ATRNL1: variants seen among roughly 807,000 people sequenced by gnomAD.
ATRNL1 encodes the protein attractin like 1, also known as attractin-like protein 1.
ATRNL1 carries 95 observed loss-of-function variants against 182.7 expected under a neutral mutation model. That is an observed-to-expected ratio of 0.52 (90% CI 0.44 to 0.62). The LOEUF is 0.62. ATRNL1 is among the 20% of genes least tolerant of loss of function. The pLI, the probability that ATRNL1 is intolerant of heterozygous loss-of-function variation, is 0.00. For synonymous variants in ATRNL1, 576 were observed against 568.3 expected, an observed-to-expected ratio of 1.01 and a Z score of -0.19; for missense variants, 1,471 against 1,679.5, an observed-to-expected ratio of 0.88 and a Z score of 2.17.
intron 21 of ATRNL1, among the ~76,000 whole-genome samples, chr10:115,459,435 C>A (rs1224169489): frequency 6.6e-6 from 1 of 152,084 alleles, no homozygotes; most frequent in African/African-American, 2.4e-5. Flanking sequence ...AGGGGTAGGT[C>A]TCTGAACTGG....
At chr10:115,164,089 G>A in intron 6 of ATRNL1, among the ~76,000 whole-genome samples, 1 of 152,098 alleles carries the variant, frequency 6.6e-6, no homozygotes, top group Non-Finnish European at 1.5e-5. Context: ...CTGTTTCTTG[G>A]CTGGATGCTT....
At chr10:115,816,580 C>T (rs563146359) in intron 27 of ATRNL1, among the ~76,000 whole-genome samples, 7 of 150,272 alleles carry the variant, frequency 4.7e-5, no homozygotes, top group Non-Finnish European at 7.4e-5. Context: ...GAAGAGTGAG[C>T]GACCTGTTTA....
chr10:115,155,160 A>G (rs368549552), intron 5 of ATRNL1, among the ~76,000 whole-genome samples: 2 of 151,018 alleles, frequency 1.3e-5, no homozygotes, highest in African/African-American at 4.9e-5. Flanking sequence ...TTTTTTTTCT[A>G]TCCCTTTATT....
rs141976102 is a variant in ATRNL1 at position 115,112,624 on chromosome 10, T to C, written c.294-7561T>C. Among the ~76,000 whole-genome samples, 665 of 152,294 alleles carry C rather than the reference T, an allele frequency of 4.4e-3. 2 individuals are homozygous for C. The highest frequency in any genetic ancestry group is 0.015 in the African/African-American group (640 of 41,566). ...GCTTGGGTGGAAGAAGGTGAAATTATTGATGCTTTATGAAAAGTTTAGGAG... is the reference window on the plus strand; with the variant it reads ...GCTTGGGTGGAAGAAGGTGAAATTACTGATGCTTTATGAAAAGTTTAGGAG... On this transcript the variant is annotated intron_variant, in intron 1 of 28. Coordinates refer to ENST00000355044, the MANE Select transcript of ATRNL1 (RefSeq NM_207303.4).
intron 17 of ATRNL1, among the ~76,000 whole-genome samples, chr10:115,313,685 C>A (rs1472538802): frequency 6.6e-6 from 1 of 151,762 alleles, no homozygotes; most frequent in East Asian, 1.9e-4. Flanking sequence ...ATGATCCTTT[C>A]TTAAGAAAAG....
chr10:115,475,307 T>C (rs932428702), intron 24 of ATRNL1, among the ~76,000 whole-genome samples: 5 of 151,564 alleles, frequency 3.3e-5, no homozygotes, highest in Admixed American at 1.3e-4. Context: ...CATGAAATGC[T>C]GCTATCATTT....
At chr10:115,487,560 G>GT (rs1169164115) in intron 24 of ATRNL1, among the ~76,000 whole-genome samples, 1 of 152,136 alleles carries the variant, frequency 6.6e-6, no homozygotes, top group Non-Finnish European at 1.5e-5. Flanking sequence ...GAATGCTTAT[G>GT]TTTTTTGCAC....
chr10:115,276,905 A>C (rs1554914990), intron 13 of ATRNL1, among the ~76,000 whole-genome samples: 1 of 152,070 alleles, frequency 6.6e-6, no homozygotes, highest in Non-Finnish European at 1.5e-5. Context: ...TATTTTTCTT[A>C]ATGAAGAGCA....
intron 27 of ATRNL1, among the ~76,000 whole-genome samples, chr10:115,825,681 G>A (rs1365449171): frequency 6.6e-6 from 1 of 152,104 alleles, no homozygotes; most frequent in Non-Finnish European, 1.5e-5. Context: ...TTTTAACCAT[G>A]TCAAGCTGCA....
intron 26 of ATRNL1, among the ~76,000 whole-genome samples, chr10:115,636,660 C>T (rs1555028264): frequency 6.6e-6 from 1 of 152,108 alleles, no homozygotes; most frequent in African/African-American, 2.4e-5. Context: ...GGCTATACCT[C>T]AAGGTATTAA....
intron 5 of ATRNL1, among the ~76,000 whole-genome samples, chr10:115,143,509 C>T (rs1351612200): frequency 2.0e-5 from 3 of 151,914 alleles, no homozygotes; most frequent in Non-Finnish European, 4.4e-5. Context: ...GCTGCTATAA[C>T]AAAATACCAC....
At chr10:115,367,383 C>G (rs1169430298) in intron 19 of ATRNL1, among the ~76,000 whole-genome samples, 17 of 138,106 alleles carry the variant, frequency 1.2e-4, no homozygotes, top group African/African-American at 4.4e-4. Context: ...CTCCTTTAAG[C>G]ACTTCTCCGT....
At chr10:115,270,711 G>T (rs987579300) in intron 13 of ATRNL1, among the ~76,000 whole-genome samples, 3 of 151,820 alleles carry the variant, frequency 2.0e-5, no homozygotes, top group Admixed American at 2.0e-4. Context: ...CTTGGATGAC[G>T]CCCACCATAG....
At chr10:115,842,894 A>C (rs1950842994) in intron 27 of ATRNL1, among the ~76,000 whole-genome samples, 1 of 152,062 alleles carries the variant, frequency 6.6e-6, no homozygotes, top group African/African-American at 2.4e-5. Context: ...TCCTGCTAAT[A>C]GGACTGCTGT....
At chr10:115,605,944 A>G (rs2133953381) in intron 26 of ATRNL1, among the ~76,000 whole-genome samples, 1 of 152,170 alleles carries the variant, frequency 6.6e-6, no homozygotes, top group Middle Eastern at 3.4e-3. Flanking sequence ...AATGTGAATG[A>G]GATGATCTTT....
intron 28 of ATRNL1, among the ~76,000 whole-genome samples, chr10:115,858,475 T>C (rs1951236795): frequency 6.6e-6 from 1 of 152,086 alleles, no homozygotes; most frequent in African/African-American, 2.4e-5. Context: ...TATTTCTAAC[T>C]GGGAGCTGAA....
chr10:115,906,609 T>C (rs61865194), intron 28 of ATRNL1, among the ~76,000 whole-genome samples: 2,298 of 152,298 alleles, frequency 0.015, 32 homozygotes, highest in South Asian at 0.036. Context: ...GATATTTTCA[T>C]TAAACAATTT....
intron 28 of ATRNL1, among the ~76,000 whole-genome samples, chr10:115,893,060 C>T (rs1277281878): frequency 2.0e-5 from 3 of 152,120 alleles, no homozygotes; most frequent in Admixed American, 6.5e-5. Context: ...TGTGCCAATG[C>T]CTCAATAATA....
Position 115,923,074 on chromosome 10 carries a change from C to T in ATRNL1, c.4019-21584C>T, listed in dbSNP as rs139893174. On this transcript the variant is annotated intron_variant, in intron 28 of 28. Transcript: ENST00000355044. ...AATTTTTAAAAGATTATTCTGTAGT[C>T]TCTTACAGTATTTTCTTGTCCAAGC... Among the ~76,000 whole-genome samples the T allele has an allele frequency of 8.5e-4, 130 of 152,238 alleles. 1 individual carries two copies. The highest frequency in any genetic ancestry group is 2.9e-3 in the African/African-American group (121 of 41,568).
Sources: gnomAD v4.1 joint callset for allele counts (sites outside exome capture counted in the v4.1 genomes callset) on GRCh38, gnomAD v4.1.1 for gene constraint, MANE v1.5 for transcripts, NCBI Gene and HGNC (gene_info 2026-07-23, HGNC 2026-07-21) for gene names.